The following ZNF30 variants were observed in gnomAD, a reference collection of about 807,000 sequenced individuals.
The protein encoded by ZNF30 is zinc finger protein 30, also known as zinc finger protein 30 (KOX 28).
ZNF30 carries 15 observed loss-of-function variants against 13.2 expected under a neutral mutation model. That is an observed-to-expected ratio of 1.13 (90% confidence interval 0.76 to 1.75). The LOEUF (loss-of-function observed/expected upper bound fraction) is 1.75, where lower values mean the gene tolerates loss of function less well. ZNF30 is among the 40% of genes most tolerant of loss of function. The pLI is 0.00. For synonymous variants in ZNF30, 223 were observed against 256.6 expected, an observed-to-expected ratio of 0.87 and a Z score of 1.25; for missense variants, 726 against 757.0, an observed-to-expected ratio of 0.96 and a Z score of 0.48.
chr19:34,933,836 C>T, intron 4 of ZNF30, 113 bp downstream of exon 4: 2 of 661,722 alleles, frequency 3.0e-6, no homozygotes, highest in Non-Finnish European at 2.6e-6. Flanking sequence ...GCCCTAGGGC[C>T]TGGGTGGAAA....
At chr19:34,932,470 T>C (rs34982229) in intron 3 of ZNF30, among the ~76,000 whole-genome samples, 2 of 152,232 alleles carry the variant, frequency 1.3e-5, no homozygotes, top group African/African-American at 4.8e-5. Flanking sequence ...CCTATAGATA[T>C]AGATGTCTAA....
At chr19:34,942,693 C>T (rs181299962) in intron 4 of ZNF30, 245 of 1,236,640 alleles carry the variant, frequency 2.0e-4, no homozygotes, top group Admixed American at 2.8e-4. Context: ...TTTGTAAGAA[C>T]GTCAAGGTGC....
At chr19:34,940,284 G>C (rs1471309402) in intron 4 of ZNF30, among the ~76,000 whole-genome samples, 1 of 152,116 alleles carries the variant, frequency 6.6e-6, no homozygotes, top group African/African-American at 2.4e-5. Context: ...CTGAAGATAG[G>C]CCGTTATCTT....
At chr19:34,928,865 A>G (rs1276958522) in intron 1 of ZNF30, among the ~76,000 whole-genome samples, 1 of 152,238 alleles carries the variant, frequency 6.6e-6, no homozygotes, top group Admixed American at 6.5e-5. Context: ...TAATTTATAA[A>G]TTAAACTTAA....
In ZNF30 at chr19:34,933,465, C is replaced by T. The variant is rs181793780; in HGVS notation, c.161-163C>T. 2.8e-4 allele frequency: 133 copies of T among 483,264 alleles called. 1 individual carries two copies. Among genetic ancestry groups the T allele is most frequent in the Admixed American group, 1.2e-3 (37 of 31,884 alleles). 29.9% of individuals were successfully genotyped at this position (483,264 alleles called of 1,614,324 possible). A position where few individuals can be genotyped will look rare whatever the true frequency, so the allele number is the denominator to read the frequency against. On this transcript the variant is annotated intron_variant, in intron 3 of 4. Coordinates refer to ENST00000601142, the MANE Select transcript of ZNF30 (RefSeq NM_194325.3). ...GACTCTGTCTCTACATAAATAAAAC[C>T]GTTCTCTACCTGTCTGGAATTATGA...
intron 2 of ZNF30, among the ~76,000 whole-genome samples, chr19:34,931,481 G>GAA (rs1289000786): frequency 2.4e-4 from 37 of 152,168 alleles, no homozygotes; most frequent in Non-Finnish European, 4.0e-4. Flanking sequence ...GTTGGAGAAA[G>GAA]GAATCATAGC....
rs935661604 is a variant in ZNF30 at position 34,937,156 on chromosome 19, C to T, written c.256+3433C>T. Among the ~76,000 whole-genome samples, 4 of 151,962 alleles carry T rather than the reference C, an allele frequency of 2.6e-5. No homozygotes were observed. In the South Asian group the frequency reaches 8.3e-4, roughly 32 times the overall value. The stretch of plus-strand genomic sequence containing the variant: ...CCTCCTGAGTAGCTGGGATTATAGG[C>T]ACCTGCCACCATGCCTGACTAATTT... On this transcript the variant is annotated intron_variant, in intron 4 of 4. Coordinates refer to ENST00000601142, the MANE Select transcript of ZNF30 (RefSeq NM_194325.3).
chr19:34,942,958 G>T (rs2013120709), intron 4 of ZNF30, among the ~76,000 whole-genome samples: 1 of 152,178 alleles, frequency 6.6e-6, no homozygotes, highest in Non-Finnish European at 1.5e-5. Flanking sequence ...GCGGGATGCT[G>T]CTTGAACATC....
At chr19:34,930,639 C>T (rs982169505) in intron 2 of ZNF30, among the ~76,000 whole-genome samples, 2 of 152,168 alleles carry the variant, frequency 1.3e-5, no homozygotes, top group African/African-American at 4.8e-5. Context: ...GGGAGGATCA[C>T]TTGAGCCCAG....
At chr19:34,933,583 G>A (rs2012572127) in intron 3 of ZNF30, 45 bp from the exon 4 acceptor site, 1 of 1,413,190 alleles carries the variant, frequency 7.1e-7, no homozygotes, top group African/African-American at 1.4e-5. Context: ...AAGTATTTTT[G>A]AACTCATATT....
At chr19:34,933,173 C>T (rs886369503) in intron 3 of ZNF30, among the ~76,000 whole-genome samples, 5 of 151,656 alleles carry the variant, frequency 3.3e-5, no homozygotes, top group African/African-American at 7.3e-5. Flanking sequence ...TAAAACCTTT[C>T]GGCTGGGTGT....
intron 4 of ZNF30, 37 bp from the exon 5 acceptor site, chr19:34,943,186 A>C (rs2013130390): frequency 7.1e-7 from 1 of 1,401,704 alleles, no homozygotes. Context: ...TTTTTTTTCA[A>C]ATAGAAAAAT....
Position 34,944,594 on chromosome 19 carries a change from A to G in ZNF30, c.1628A>G (p.Asn543Ser). The G allele has an allele frequency of 6.2e-7, 1 of 1,614,164 alleles. No individual in the cohort carries two copies. The highest frequency in any genetic ancestry group is 8.5e-7 in the Non-Finnish European group (1 of 1,180,000). ...IHTGEKPYEC[N>S]KCGKAFTVYG... The stretch of plus-strand genomic sequence containing the variant: ...ACTGGGGAGAAACCCTATGAATGTA[A>G]CAAATGTGGGAAAGCCTTTACTGTT... Residue 543 changes from asparagine to serine, a missense_variant, in exon 5 of 5, where the codon AAC (asparagine) becomes AGC (serine). Asn to Ser is a conservative substitution (Grantham distance 46). Coordinates refer to ENST00000601142, the MANE Select transcript of ZNF30 (RefSeq NM_194325.3).
At chr19:34,930,593 C>A (rs1218141297) in intron 2 of ZNF30, among the ~76,000 whole-genome samples, 2 of 152,174 alleles carry the variant, frequency 1.3e-5, no homozygotes, top group African/African-American at 4.8e-5. Context: ...TGCAGTGGCT[C>A]ACACCTGTAA....
intron 4 of ZNF30, among the ~76,000 whole-genome samples, chr19:34,938,011 G>T (rs1455523872): frequency 6.6e-6 from 1 of 152,092 alleles, no homozygotes; most frequent in Non-Finnish European, 1.5e-5. Flanking sequence ...GTCCAGGTTG[G>T]TCTCAAACTT....
In ZNF30 at chr19:34,945,037, T is replaced by C; in HGVS notation, c.*199T>C. The C allele has an allele frequency of 1.9e-6, 1 of 538,288 alleles. No homozygotes were observed. The highest frequency in any genetic ancestry group is 3.1e-6 in the Non-Finnish European group (1 of 326,844). 33.3% of individuals were successfully genotyped at this position (538,288 alleles called of 1,614,324 possible). ...TTTGTAATACCAATATTTATACTGG[T>C]GGACCATTCAGAAAAAGTGGGAAAC... On this transcript the variant is annotated 3_prime_UTR_variant, in exon 5 of 5. Coordinates refer to ENST00000601142, the MANE Select transcript of ZNF30 (RefSeq NM_194325.3).
rs899642123 is a variant in ZNF30 at position 34,944,083 on chromosome 19, G to A, written c.1117G>A (p.Gly373Arg). Residue 373 changes from glycine (G) to arginine (R), a missense_variant, in exon 5 of 5, where the codon GGA becomes AGA. Transcript: ENST00000601142. Reference sequence around the variant, plus strand: ...AATTCATGCAGAGATAAAGCCCTACGGATGCAAGGAATGCGGGAGAACCTT... The same window carrying A: ...AATTCATGCAGAGATAAAGCCCTACAGATGCAAGGAATGCGGGAGAACCTT... The part of the protein sequence containing the change: ...QRIHAEIKPY[G>R]CKECGRTFSR... 3.1e-6 allele frequency: 5 copies of A among 1,613,646 alleles called. No individual in the cohort carries two copies. Among genetic ancestry groups the A allele is most frequent in the South Asian group, 2.2e-5 (2 of 91,056 alleles).
intron 3 of ZNF30, among the ~76,000 whole-genome samples, chr19:34,933,334 TC>T (rs921990384): frequency 6.6e-6 from 1 of 151,898 alleles, no homozygotes; most frequent in African/African-American, 2.4e-5. Context: ...ATGCCTATAG[TC>T]CCAGCTACTC....
chr19:34,932,992 G>T (rs1300543195), intron 3 of ZNF30, among the ~76,000 whole-genome samples: 1 of 151,518 alleles, frequency 6.6e-6, no homozygotes, highest in African/African-American at 2.4e-5. Context: ...TGTTGACCAG[G>T]CTGGTCTCGA....
Sources: allele counts gnomAD v4.1 joint callset (sites outside exome capture counted in the v4.1 genomes callset), GRCh38; gene constraint gnomAD v4.1.1; transcripts MANE v1.5; gene names NCBI Gene and HGNC (gene_info 2026-07-23, HGNC 2026-07-21).